NEO1: variants seen among roughly 807,000 people sequenced by gnomAD.
NEO1 encodes neogenin.
In NEO1, 63 loss-of-function variants were observed where a neutral mutation model predicts 159.7. The observed-to-expected ratio is 0.39, with a 90% CI of 0.32 to 0.49. NEO1 has a LOEUF of 0.49. NEO1 is among the 20% of genes least tolerant of loss of function. The probability of loss-of-function intolerance (pLI) is 0.85; values close to 1 mark genes in which losing one functional copy is unlikely to be tolerated. For synonymous variants in NEO1, 633 were observed against 662.0 expected (o/e 0.96, Z 0.67); for missense variants, 1,615 against 1,831.0 (o/e 0.88, Z 2.15).
chr15:73,163,687 G>A (rs909730787), intron 5 of NEO1, among the ~76,000 whole-genome samples: 8 of 152,184 alleles, frequency 5.3e-5, no homozygotes, highest in African/African-American at 1.2e-4. Flanking sequence ...AGGGTTTGGG[G>A]TGGGGAAACA....
intron 5 of NEO1, among the ~76,000 whole-genome samples, chr15:73,167,600 G>C (rs1457154384): frequency 1.3e-5 from 2 of 152,172 alleles, no homozygotes; most frequent in Non-Finnish European, 2.9e-5. Flanking sequence ...CACAATAACT[G>C]AAACATGGAA....
rs574561609 is a variant in NEO1, at chr15:73,092,745, A to T, written c.131-23795A>T. Reference sequence around the variant, plus strand: ...TGCTTTTTAATAAGCTTTATTTTTTAGATCAGTTTTAGATTTACAGAAAAT... The same window carrying T: ...TGCTTTTTAATAAGCTTTATTTTTTTGATCAGTTTTAGATTTACAGAAAAT... On this transcript the variant is annotated intron_variant, in intron 1 of 28. Coordinates refer to ENST00000261908, the MANE Select transcript of NEO1 (RefSeq NM_002499.4). Among the ~76,000 whole-genome samples the T allele has an allele frequency of 1.1e-3, 166 of 152,274 alleles. 1 individual carries two copies. The highest frequency in any genetic ancestry group is 3.8e-3 in the African/African-American group (156 of 41,568).
intron 1 of NEO1, among the ~76,000 whole-genome samples, chr15:73,053,377 C>G (rs536368660): frequency 3.9e-5 from 6 of 152,044 alleles, no homozygotes; most frequent in Non-Finnish European, 8.8e-5. Flanking sequence ...CCGCTCACAA[C>G]CCCTGGTGTT....
intron 7 of NEO1, among the ~76,000 whole-genome samples, chr15:73,234,611 G>T (rs779055178): frequency 5.3e-5 from 8 of 152,198 alleles, no homozygotes; most frequent in Non-Finnish European, 1.0e-4. Flanking sequence ...CAACCATTCA[G>T]AGTTAATGTT....
At chr15:73,124,860 C>T (rs1307055836) in intron 3 of NEO1, among the ~76,000 whole-genome samples, 2 of 152,118 alleles carry the variant, frequency 1.3e-5, no homozygotes, top group Non-Finnish European at 2.9e-5. Flanking sequence ...CTTTCTGGCA[C>T]ATAGAAGCCA....
At chr15:73,100,062 C>T (rs1567192421) in intron 1 of NEO1, among the ~76,000 whole-genome samples, 1 of 152,140 alleles carries the variant, frequency 6.6e-6, no homozygotes, top group Non-Finnish European at 1.5e-5. Context: ...TTTTTATCTA[C>T]TTGACTTGCA....
chr15:73,072,348 A>G (rs1236679587), intron 1 of NEO1, among the ~76,000 whole-genome samples: 3 of 152,160 alleles, frequency 2.0e-5, no homozygotes, highest in African/African-American at 2.4e-5. Context: ...ATAATTTTTA[A>G]AAGTTTTAAT....
chr15:73,082,758 T>TA (rs916969116), intron 1 of NEO1, among the ~76,000 whole-genome samples: 41 of 152,192 alleles, frequency 2.7e-4, no homozygotes, highest in African/African-American at 9.4e-4. Context: ...ATAGTGAAAA[T>TA]AAAAATGTCT....
intron 5 of NEO1, among the ~76,000 whole-genome samples, chr15:73,151,347 G>T (rs867362880): frequency 6.6e-6 from 1 of 152,152 alleles, no homozygotes. Flanking sequence ...TCAGGAAACT[G>T]TCTACTTATT....
At chr15:73,268,933 C>A (rs1033383064) in intron 16 of NEO1, among the ~76,000 whole-genome samples, 1 of 152,170 alleles carries the variant, frequency 6.6e-6, no homozygotes, top group Non-Finnish European at 1.5e-5. Context: ...CTGTGATAAC[C>A]ATGGCATTTC....
intron 1 of NEO1, among the ~76,000 whole-genome samples, chr15:73,062,041 T>C (rs1482770279): frequency 6.6e-6 from 1 of 152,170 alleles, no homozygotes; most frequent in African/African-American, 2.4e-5. Flanking sequence ...ATAGAATAAG[T>C]TTGTGGGTGT....
intron 1 of NEO1, among the ~76,000 whole-genome samples, chr15:73,091,399 G>A (rs1320000806): frequency 6.6e-6 from 1 of 151,432 alleles, no homozygotes; most frequent in Non-Finnish European, 1.5e-5. Context: ...TTTTCCAATC[G>A]GGTTTCATTA....
At chr15:73,192,101 C>T (rs2036265913) in intron 7 of NEO1, among the ~76,000 whole-genome samples, 1 of 151,896 alleles carries the variant, frequency 6.6e-6, no homozygotes, top group Non-Finnish European at 1.5e-5. Context: ...TTATTGTCTA[C>T]TTAAATAAAA....
chr15:73,151,476 A>G (rs1238461681), intron 5 of NEO1, among the ~76,000 whole-genome samples: 3 of 152,180 alleles, frequency 2.0e-5, no homozygotes, highest in Admixed American at 6.5e-5. Context: ...TCACACTGCT[A>G]TGAAGGAATA....
In NEO1 at chr15:73,293,353, C is replaced by G. The variant is rs375680391; in HGVS notation, c.3743-37C>G. ...TGTGATTTGTGTGTGTTTGTGCAAG[C>G]ATGTTAAGCATTTCTCTGTCTTGTG... On this transcript the variant is annotated intron_variant, in intron 25 of 28. Coordinates refer to ENST00000261908, the MANE Select transcript of NEO1 (RefSeq NM_002499.4). 1.9e-6 allele frequency: 3 copies of G among 1,610,142 alleles called. No homozygotes were observed. The African/African-American group carries it at 4.0e-5, about 22-fold the overall frequency.
At chr15:73,071,052 A>G (rs1020868213) in intron 1 of NEO1, among the ~76,000 whole-genome samples, 6 of 151,324 alleles carry the variant, frequency 4.0e-5, no homozygotes, top group Non-Finnish European at 8.9e-5. Flanking sequence ...GTAGCCTTCA[A>G]CTCCTGGGCT....
chr15:73,302,970 A>G lies in NEO1; in HGVS notation c.*274A>G. On this transcript the variant is annotated 3_prime_UTR_variant, in exon 29 of 29. Coordinates refer to ENST00000261908, the MANE Select transcript of NEO1 (RefSeq NM_002499.4). ...ATGGGCCAAAATTTTGTGTCCAGGG[A>G]AGAGGCGAGAAGTGCAACCTGCATT... is the stretch of plus-strand genomic sequence containing the variant. 5.2e-6 allele frequency: 2 copies of G among 387,734 alleles called. No individual in the cohort carries two copies. 24.0% of individuals were successfully genotyped at this position (387,734 alleles called of 1,614,324 possible). A position where few individuals can be genotyped will look rare whatever the true frequency, so the allele number is the denominator to read the frequency against.
At chr15:73,167,245 G>A (rs1382171365) in intron 5 of NEO1, among the ~76,000 whole-genome samples, 1 of 151,016 alleles carries the variant, frequency 6.6e-6, no homozygotes, top group Non-Finnish European at 1.5e-5. Flanking sequence ...TGCACGTTGT[G>A]CACATGTACC....
chr15:73,302,146 T>C (rs917856688), intron 28 of NEO1, among the ~76,000 whole-genome samples: 3 of 152,240 alleles, frequency 2.0e-5, no homozygotes, highest in Non-Finnish European at 4.4e-5. Flanking sequence ...AGCAAGATGC[T>C]GGAGGAGAAA....
Sources: allele counts gnomAD v4.1 joint callset (sites outside exome capture counted in the v4.1 genomes callset), GRCh38; gene constraint gnomAD v4.1.1; transcripts MANE v1.5; gene names NCBI Gene and HGNC (gene_info 2026-07-23, HGNC 2026-07-21).